The following C1orf50 variants were observed in gnomAD, a reference collection of about 807,000 sequenced individuals.
C1orf50 encodes uncharacterized protein C1orf50.
C1orf50 carries 22 observed loss-of-function variants against 23.3 expected under a neutral mutation model. The ratio of observed to expected loss-of-function variants is 0.94; its 90% CI spans 0.67 to 1.35. The LOEUF is 1.35. Ranked by LOEUF, C1orf50 falls within the 40% of genes most tolerant of loss-of-function variation. The probability of loss-of-function intolerance (pLI) is 0.00; values close to 1 mark genes in which losing one functional copy is unlikely to be tolerated. For synonymous variants in C1orf50, 96 were observed against 102.4 expected, an observed-to-expected ratio of 0.94 and a Z score of 0.38; for missense variants, 271 against 249.4, an observed-to-expected ratio of 1.09 and a Z score of -0.58.
In C1orf50 at chr1:42,778,615, A is replaced by G. The variant is rs778710828; in HGVS notation, c.*3221A>G. 2.0e-5 allele frequency: 3 copies of G among 152,204 alleles called. No homozygotes were observed. The highest frequency in any genetic ancestry group is 7.2e-5 in the African/African-American group (3 of 41,452). The allele number at this position is 152,204 out of a possible 1,614,324, so 9.4% of individuals were successfully genotyped here. A position where few individuals can be genotyped will look rare whatever the true frequency, so the allele number is the denominator to read the frequency against. On this transcript the variant is annotated 3_prime_UTR_variant, in exon 5 of 5. Coordinates refer to ENST00000372525, the MANE Select transcript of C1orf50 (RefSeq NM_024097.4). ...CATATCAACCAAAGCAGTCCTGGCAATGAGGAGGGGTGGAGTGAGATATGT... is the reference window on the plus strand; with the variant it reads ...CATATCAACCAAAGCAGTCCTGGCAGTGAGGAGGGGTGGAGTGAGATATGT...
chr1:42,768,751 G>A (rs2760073), intron 2 of C1orf50, among the ~76,000 whole-genome samples: 140,007 of 150,870 alleles, frequency 0.93, 64,750 homozygotes, highest in Middle Eastern at 0.98. Flanking sequence ...TGCACACAAC[G>A]TATTCATGTG....
chr1:42,775,287 G>C lies in C1orf50; in HGVS notation c.493G>C (p.Asp165His), dbSNP rs1214615940. The C allele has an allele frequency of 1.2e-6, 2 of 1,613,374 alleles. No homozygotes were observed. Among genetic ancestry groups the C allele is most frequent in the East Asian group, 2.2e-5 (1 of 44,872 alleles). ...QHDLSWTPYE[D>H]IEKQDAKISM... is the part of the protein sequence containing the mutation. ...TGACTTGTCCTGGACTCCGTATGAGGACATTGAGAAGCAAGATGCTAAAAT... is the reference window on the plus strand; with the variant it reads ...TGACTTGTCCTGGACTCCGTATGAGCACATTGAGAAGCAAGATGCTAAAAT... Residue 165 changes from aspartate (D) to histidine (H), a missense_variant, in exon 5 of 5, where the codon GAC becomes CAC. Transcript: ENST00000372525.
At chr1:42,767,692 C>G in intron 2 of C1orf50, 68 bp downstream of exon 2, 4 of 1,390,420 alleles carry the variant, frequency 2.9e-6, no homozygotes, top group Non-Finnish European at 4.0e-6. Flanking sequence ...TCTTTCGGCT[C>G]AGACCTCACT....
chr1:42,772,736 G>A (rs982729166), intron 2 of C1orf50, among the ~76,000 whole-genome samples: 1 of 151,740 alleles, frequency 6.6e-6, no homozygotes, highest in East Asian at 1.9e-4. Flanking sequence ...AGCCAAGATT[G>A]CGCCATTGCA....
chr1:42,768,219 G>T (rs1483548196), intron 2 of C1orf50, among the ~76,000 whole-genome samples: 1 of 152,182 alleles, frequency 6.6e-6, no homozygotes, highest in Non-Finnish European at 1.5e-5. Flanking sequence ...CTTGCAGTGC[G>T]ACTTAAGGCA....
At position 42,777,524 on chromosome 1, in the gene C1orf50, G is replaced by A. The variant is rs1471774875; in HGVS notation, c.*2130G>A. 2 of 152,214 alleles carry A rather than the reference G, an allele frequency of 1.3e-5. No homozygotes were observed. The highest frequency in any genetic ancestry group is 3.8e-4 in the East Asian group (2 of 5,196). 9.4% of individuals were successfully genotyped at this position (152,214 alleles called of 1,614,324 possible). A position where few individuals can be genotyped will look rare whatever the true frequency, so the allele number is the denominator to read the frequency against. ...AGCTTTCTTAAGCAAAGTAAACAAG[G>A]ATTAGAGTCTGCTAGCCAGATGGAA... On this transcript the variant is annotated 3_prime_UTR_variant, in exon 5 of 5. Coordinates refer to ENST00000372525, the MANE Select transcript of C1orf50 (RefSeq NM_024097.4).
rs761201590 is a variant in C1orf50, at chr1:42,775,221, A to G, written c.427A>G (p.Ser143Gly). 1.2e-5 allele frequency: 19 copies of G among 1,591,624 alleles called. No homozygotes were observed. Among genetic ancestry groups the G allele is most frequent in the East Asian group, 4.5e-5 (2 of 44,230 alleles). The change falls in exon 5 of 5, where the codon AGT (serine) becomes GGT (glycine). Residue 143 changes from serine to glycine, a missense_variant. By Grantham distance (56) the Ser-to-Gly change is moderately conservative. Transcript: ENST00000372525. ...SIISPKEWGT[S>G]CPHDFLGAYK... ...TTGCCTTCTCTAGGAATGGGGGACA[A>G]GTTGTCCACATGACTTCCTTGGTGC...
At chr1:42,769,855 A>T (rs1417779709) in intron 2 of C1orf50, 1 of 152,156 alleles carries the variant, frequency 6.6e-6, no homozygotes, top group Non-Finnish European at 1.5e-5. Context: ...AAAAAAAAGT[A>T]CTTTTTTAGC....
At chr1:42,772,572 G>A (rs1653245227) in intron 2 of C1orf50, among the ~76,000 whole-genome samples, 1 of 152,152 alleles carries the variant, frequency 6.6e-6, no homozygotes, top group Non-Finnish European at 1.5e-5. Flanking sequence ...CCTGAGGTCA[G>A]AAGTTCGAGA....
In C1orf50 at chr1:42,776,866, T is replaced by TA. The variant is rs1482645172; in HGVS notation, c.*1473dup. ...CATTTTGAATAGGTGCTTTATTAGTTACAGATAAACAAATTACTGCAAACT... is the reference window on the plus strand; with the variant it reads ...CATTTTGAATAGGTGCTTTATTAGTTAACAGATAAACAAATTACTGCAAACT... On this transcript the variant is annotated 3_prime_UTR_variant, in exon 5 of 5. Transcript: ENST00000372525. 1 of 152,228 alleles carries TA rather than the reference T, an allele frequency of 6.6e-6. No individual in the cohort carries two copies. Among genetic ancestry groups the TA allele is most frequent in the East Asian group, 1.9e-4 (1 of 5,204 alleles). 9.4% of individuals were successfully genotyped at this position (152,228 alleles called of 1,614,324 possible). A position where few individuals can be genotyped will look rare whatever the true frequency, so the allele number is the denominator to read the frequency against.
At position 42,768,083 on chromosome 1, in the gene C1orf50, A is replaced by G. The variant is rs117163542; in HGVS notation, c.195+459A>G. ...TCCAAGTTTAGTCCTCATTAAACAC[A>G]GTATTCCCAAGCCCAGTGTTTATAT... On this transcript the variant is annotated intron_variant, in intron 2 of 4. Transcript: ENST00000372525. Among the ~76,000 whole-genome samples the G allele has an allele frequency of 1.7e-3, 259 of 152,362 alleles. 4 individuals are homozygous for G. In the East Asian group the frequency reaches 0.02, roughly 12 times the overall value.
Position 42,777,668 on chromosome 1 carries a change from C to T in C1orf50, c.*2274C>T, listed in dbSNP as rs943439864. On this transcript the variant is annotated 3_prime_UTR_variant, in exon 5 of 5. Coordinates refer to ENST00000372525, the MANE Select transcript of C1orf50 (RefSeq NM_024097.4). ...TTCAAGGGAGGGAGTTATACAAAGGCATGTATACCAGAAGGCAGACATCAT... is the reference window on the plus strand; with the variant it reads ...TTCAAGGGAGGGAGTTATACAAAGGTATGTATACCAGAAGGCAGACATCAT... The T allele has an allele frequency of 1.3e-5, 2 of 152,156 alleles. No individual in the cohort carries two copies. Among genetic ancestry groups the T allele is most frequent in the African/African-American group, 4.8e-5 (2 of 41,408 alleles). The allele number at this position is 152,156 out of a possible 1,614,324, so 9.4% of individuals were successfully genotyped here.
intron 2 of C1orf50, among the ~76,000 whole-genome samples, chr1:42,770,050 C>T (rs888092260): frequency 3.9e-5 from 6 of 152,070 alleles, no homozygotes; most frequent in Non-Finnish European, 8.8e-5. Context: ...TCATCTCCAG[C>T]GTCATAAAGG....
intron 3 of C1orf50, among the ~76,000 whole-genome samples, chr1:42,774,187 G>C (rs1258809906): frequency 1.3e-5 from 2 of 152,158 alleles, no homozygotes; most frequent in African/African-American, 2.4e-5. Flanking sequence ...AAATAGGAAA[G>C]AAGCTTAAAA....
chr1:42,771,974 C>CAA (rs10715817), intron 2 of C1orf50, among the ~76,000 whole-genome samples: 3 of 126,274 alleles, frequency 2.4e-5, no homozygotes, highest in Non-Finnish European at 3.4e-5. Context: ...GACTCTGCCT[C>CAA]AAAAAAAAAA....
rs1007976191 is a variant in C1orf50, at chr1:42,777,327, C to T, written c.*1933C>T. 3 of 152,250 alleles carry T rather than the reference C, an allele frequency of 2.0e-5. No individual in the cohort carries two copies. Among genetic ancestry groups the T allele is most frequent in the Non-Finnish European group, 4.4e-5 (3 of 68,086 alleles). 9.4% of individuals were successfully genotyped at this position (152,250 alleles called of 1,614,324 possible). A position where few individuals can be genotyped will look rare whatever the true frequency, so the allele number is the denominator to read the frequency against. ...GCCAGGAGGGTCTCTATCTCTTGAC[C>T]TCATGATCCACCTGCCTCAGCCTCC... On this transcript the variant is annotated 3_prime_UTR_variant, in exon 5 of 5. Coordinates refer to ENST00000372525, the MANE Select transcript of C1orf50 (RefSeq NM_024097.4).
chr1:42,772,845 T>C (rs1013299122), intron 2 of C1orf50, among the ~76,000 whole-genome samples: 1 of 152,214 alleles, frequency 6.6e-6, no homozygotes, highest in Non-Finnish European at 1.5e-5. Context: ...GTCTTGTGTG[T>C]ACATTATAAC....
chr1:42,769,253 C>CA (rs1557583728), intron 2 of C1orf50, among the ~76,000 whole-genome samples: 3 of 150,728 alleles, frequency 2.0e-5, no homozygotes, highest in African/African-American at 7.3e-5. Context: ...TAAAAAAAAA[C>CA]AAAAAAATGA....
At chr1:42,769,643 A>T (rs1211240041) in intron 2 of C1orf50, 1 of 151,762 alleles carries the variant, frequency 6.6e-6, no homozygotes, top group Non-Finnish European at 1.5e-5. Context: ...GGAATTCAAG[A>T]CCAGCCTGGC....
Sources: allele counts gnomAD v4.1 joint callset (sites outside exome capture counted in the v4.1 genomes callset), GRCh38; gene constraint gnomAD v4.1.1; transcripts MANE v1.5; gene names NCBI Gene and HGNC (gene_info 2026-07-23, HGNC 2026-07-21).